ARHGAP35: variants seen among roughly 807,000 people sequenced by gnomAD.
ARHGAP35 encodes the protein Rho GTPase activating protein 35, also known as rho GTPase-activating protein 35.
In ARHGAP35, 15 loss-of-function variants were observed where a neutral mutation model predicts 111.1. The ratio of observed to expected loss-of-function variants is 0.13; its 90% confidence interval spans 0.09 to 0.21. The LOEUF (loss-of-function observed/expected upper bound fraction) is 0.21. ARHGAP35 is among the 10% of genes least tolerant of loss of function. ARHGAP35 has a pLI of 1.00. For missense variants in ARHGAP35, 1,262 were observed against 1,873.0 expected (o/e 0.67, Z 6.02); for synonymous variants, 643 against 710.3 (o/e 0.91, Z 1.51).
intron 1 of ARHGAP35, among the ~76,000 whole-genome samples, chr19:46,911,037 A>AC (rs1347185142): frequency 6.6e-6 from 1 of 152,194 alleles, no homozygotes; most frequent in Non-Finnish European, 1.5e-5. Context: ...CTCAGAGTAA[A>AC]CATACAGCTT....
In ARHGAP35 at chr19:46,994,791, C is replaced by T. The variant is rs532126871; in HGVS notation, c.4037-4513C>T. 1.7e-4 allele frequency among the ~76,000 whole-genome samples: 26 copies of T among 152,286 alleles called. No individual in the cohort carries two copies. The highest frequency in any genetic ancestry group is 3.9e-4 in the East Asian group (2 of 5,180). Reference sequence around the variant, plus strand: ...TAGTACCCAGGCAGGAGCGGGTCCCCGTAAATATCTGCTCCTCCCACCCAC... The same window carrying T: ...TAGTACCCAGGCAGGAGCGGGTCCCTGTAAATATCTGCTCCTCCCACCCAC... On this transcript the variant is annotated intron_variant, in intron 5 of 6. Coordinates refer to ENST00000672722, the MANE Select transcript of ARHGAP35 (RefSeq NM_004491.5). The surrounding 1 kb of genome is among the most constrained non-coding windows in gnomAD (Gnocchi z 5.4).
At chr19:46,978,958 GGTTTGGTGGAAAGT>G (rs2056603393) in intron 3 of ARHGAP35, among the ~76,000 whole-genome samples, 1 of 129,454 alleles carries the variant, frequency 7.7e-6, no homozygotes, top group Non-Finnish European at 1.7e-5. Flanking sequence ...TGTGTGGTGG[GGTTTGGTGGAAAGT>G]GTGTGTGTGG....
At chr19:46,938,075 C>T (rs2056320900) in intron 3 of ARHGAP35, among the ~76,000 whole-genome samples, 1 of 152,200 alleles carries the variant, frequency 6.6e-6, no homozygotes, top group South Asian at 2.1e-4. Context: ...TCCCTTTGGC[C>T]TTCCAGTTTC....
intron 3 of ARHGAP35, among the ~76,000 whole-genome samples, chr19:46,956,785 C>T (rs958182340): frequency 4.6e-5 from 7 of 152,110 alleles, no homozygotes; most frequent in African/African-American, 1.7e-4. Flanking sequence ...GTGACTTACC[C>T]TGTCTAAGCC....
rs373220750 is a variant in ARHGAP35, at chr19:46,959,556, C to T, written c.3826+22148C>T. Among the ~76,000 whole-genome samples, 28 of 151,706 alleles carry T rather than the reference C, an allele frequency of 1.8e-4. No homozygotes were observed. In the East Asian group the frequency reaches 4.9e-3, roughly 26 times the overall value. On this transcript the variant is annotated intron_variant, in intron 3 of 6. Transcript: ENST00000672722. ...CTGGGATTACAGGCACCCGCTACTA[C>T]GCCCAGCTGATTTTTGTATTTTTAG...
chr19:46,982,248 G>T (rs949031681), intron 3 of ARHGAP35, among the ~76,000 whole-genome samples: 2 of 152,030 alleles, frequency 1.3e-5, no homozygotes, highest in African/African-American at 2.4e-5. Context: ...AGGCCAAGGC[G>T]GGCGGATCAC....
At chr19:46,938,453 A>G (rs1568473292) in intron 3 of ARHGAP35, among the ~76,000 whole-genome samples, 1 of 152,090 alleles carries the variant, frequency 6.6e-6, no homozygotes, top group Non-Finnish European at 1.5e-5. Flanking sequence ...TCCCAGGTTC[A>G]AGCGATTCTC....
rs992366722 is a variant in ARHGAP35, at chr19:46,992,558, T to C, written c.4036+2883T>C. Reference sequence around the variant, plus strand: ...TCTCTGTGACTCCCTCCTCCCTGCCTATCTGGAGTCGACCCCGTCCAGCTG... The same window carrying C: ...TCTCTGTGACTCCCTCCTCCCTGCCCATCTGGAGTCGACCCCGTCCAGCTG... On this transcript the variant is annotated intron_variant, in intron 5 of 6. Coordinates refer to ENST00000672722, the MANE Select transcript of ARHGAP35 (RefSeq NM_004491.5). This position sits in a 1 kb window ranked among gnomAD's most constrained non-coding sequence, Gnocchi z 4.4. 4.0e-5 allele frequency among the ~76,000 whole-genome samples: 6 copies of C among 150,280 alleles called. No individual in the cohort carries two copies. Among genetic ancestry groups the C allele is most frequent in the African/African-American group, 1.5e-4 (6 of 41,054 alleles).
Position 47,000,167 on chromosome 19 carries a change from C to T in ARHGAP35, c.4143-164C>T, listed in dbSNP as rs987664860. ...GCTGGAGGGGAGAGGACACTGAGGGCGCAGCCTCCCAGGCAGGGCAGGGTA... is the reference window on the plus strand; with the variant it reads ...GCTGGAGGGGAGAGGACACTGAGGGTGCAGCCTCCCAGGCAGGGCAGGGTA... On this transcript the variant is annotated intron_variant, in intron 6 of 6. Coordinates refer to ENST00000672722, the MANE Select transcript of ARHGAP35 (RefSeq NM_004491.5). This position sits in a 1 kb window ranked among gnomAD's most constrained non-coding sequence, Gnocchi z 6.9. Among the ~76,000 whole-genome samples the T allele has an allele frequency of 5.3e-5, 8 of 152,124 alleles. No individual in the cohort carries two copies. Among genetic ancestry groups the T allele is most frequent in the Admixed American group, 2.0e-4 (3 of 15,278 alleles).
At chr19:46,940,346 C>A in intron 3 of ARHGAP35, among the ~76,000 whole-genome samples, 1 of 129,460 alleles carries the variant, frequency 7.7e-6, no homozygotes, top group African/African-American at 3.0e-5. Flanking sequence ...CCAACAAGAG[C>A]AAAACTGTGT....
At chr19:46,888,252 T>G (rs1375661914) in intron 1 of ARHGAP35, among the ~76,000 whole-genome samples, 1 of 99,940 alleles carries the variant, frequency 1.0e-5, no homozygotes, top group Non-Finnish European at 2.0e-5. Context: ...GCACCCGGCC[T>G]CAATCAATAA....
intron 1 of ARHGAP35, among the ~76,000 whole-genome samples, chr19:46,902,975 A>G (rs974769828): frequency 3.3e-5 from 5 of 152,162 alleles, no homozygotes; most frequent in Admixed American, 6.5e-5. Flanking sequence ...AACAGATTAT[A>G]TATGTTTCTG....
intron 3 of ARHGAP35, among the ~76,000 whole-genome samples, chr19:46,957,727 G>T (rs2056448735): frequency 6.6e-6 from 1 of 152,196 alleles, no homozygotes; most frequent in Non-Finnish European, 1.5e-5. Context: ...CAGTGGCAAG[G>T]TGATTGGTGC....
intron 3 of ARHGAP35, among the ~76,000 whole-genome samples, chr19:46,943,117 G>A (rs1400516628): frequency 2.0e-5 from 3 of 151,700 alleles, no homozygotes; most frequent in Non-Finnish European, 2.9e-5. Flanking sequence ...CGTAGCTCAC[G>A]GCAGCCTCTA....
At chr19:46,910,647 T>TGGTGCAGTCTCAGCTCACTGCAGAA (rs2056133248) in intron 1 of ARHGAP35, among the ~76,000 whole-genome samples, 1 of 151,558 alleles carries the variant, frequency 6.6e-6, no homozygotes, top group Non-Finnish European at 1.5e-5. Context: ...TGGAGTGCAG[T>TGGTGCAGTCTCAGCTCACTGCAGAA]GGTGCAGTCT....
At chr19:46,973,908 A>G (rs1020209755) in intron 3 of ARHGAP35, among the ~76,000 whole-genome samples, 2 of 151,594 alleles carry the variant, frequency 1.3e-5, no homozygotes, top group Non-Finnish European at 2.9e-5. Flanking sequence ...AGGCAGGATA[A>G]TCTTTTGAAC....
At chr19:46,872,312 T>C (rs542372920) in intron 1 of ARHGAP35, among the ~76,000 whole-genome samples, 1 of 152,294 alleles carries the variant, frequency 6.6e-6, no homozygotes, top group African/African-American at 2.4e-5. Flanking sequence ...TGAAGTGTTA[T>C]TAGTTAACTC....
intron 3 of ARHGAP35, among the ~76,000 whole-genome samples, chr19:46,959,701 A>G (rs943678775): frequency 6.7e-6 from 1 of 149,148 alleles, no homozygotes; most frequent in African/African-American, 2.5e-5. Context: ...CACCCACCCA[A>G]AAACCTCCTT....
chr19:46,917,948 A>G (rs1237297375), intron 1 of ARHGAP35, among the ~76,000 whole-genome samples: 1 of 152,198 alleles, frequency 6.6e-6, no homozygotes, highest in Admixed American at 6.5e-5. Context: ...TCCTGACCTC[A>G]GGTGATCCGC....
Sources: gnomAD v4.1 joint callset for allele counts (sites outside exome capture counted in the v4.1 genomes callset) on GRCh38, gnomAD v4.1.1 for gene constraint, Gnocchi (gnomAD v3.1) non-coding constraint, MANE v1.5 for transcripts, NCBI Gene and HGNC (gene_info 2026-07-23, HGNC 2026-07-21) for gene names.